The following C10orf53 variants were observed in gnomAD, a reference collection of about 807,000 sequenced individuals.
C10orf53 encodes the protein chromosome 10 open reading frame 53.
Under a neutral mutation model 9.4 loss-of-function variants are expected in C10orf53, and 8 were observed. The observed-to-expected ratio is 0.85, with a 90% CI of 0.50 to 1.53. C10orf53 has a LOEUF of 1.53. C10orf53 is among the 40% of genes most tolerant of loss of function. The probability of loss-of-function intolerance (pLI) is 0.00; values close to 1 mark genes in which losing one functional copy is unlikely to be tolerated. For synonymous variants in C10orf53, 48 were observed against 46.0 expected (o/e 1.04, Z -0.18); for missense variants, 117 against 117.8 (o/e 0.99, Z 0.03).
At chr10:49,689,529 A>C (rs2132879179) in intron 1 of C10orf53, among the ~76,000 whole-genome samples, 1 of 152,342 alleles carries the variant, frequency 6.6e-6, no homozygotes, top group Non-Finnish European at 1.5e-5. Context: ...TTATAAAAGA[A>C]AAAACAAACC....
chr10:49,693,778 G>A lies in C10orf53; in HGVS notation c.102G>A (p.Val34=), dbSNP rs1328850069. 1.2e-6 allele frequency: 2 copies of A among 1,613,418 alleles called. No individual in the cohort carries two copies. Among genetic ancestry groups the A allele is most frequent in the African/African-American group, 1.3e-5 (1 of 74,906 alleles). Residue 34 remains valine, a synonymous_variant, in exon 2 of 3, where the codon GTG becomes GTA. Coordinates refer to ENST00000374111, the MANE Select transcript of C10orf53 (RefSeq NM_001042427.3). The part of the protein sequence containing the change: ...HTFRLQGLQA[V]LAIDGHEVIL... Reference sequence around the variant, plus strand: ...CTCCTTTTCTTTCCTTCCCAGCTGTGTTGGCCATAGATGGACATGAGGTCA... The same window carrying A: ...CTCCTTTTCTTTCCTTCCCAGCTGTATTGGCCATAGATGGACATGAGGTCA...
rs1840617706 is a variant in C10orf53, at chr10:49,694,640, G to A, written c.*38G>A. On this transcript the variant is annotated 3_prime_UTR_variant, in exon 3 of 3. Coordinates refer to ENST00000374111, the MANE Select transcript of C10orf53 (RefSeq NM_001042427.3). ...ACAGGCATCTCAAGTCGGCACAACA[G>A]CAGCTGCCCCAGCCATTCTATGATG... 6.2e-7 allele frequency: 1 copy of A among 1,612,976 alleles called. No homozygotes were observed.
rs1401139582 is a variant in C10orf53, at chr10:49,679,734, C to T, written c.37C>T (p.Pro13Ser). ...KNAVVILRYG[P>S]YSAAGLPVEH... ...CGCAGTGGTCATCCTGCGCTATGGG[C>T]CCTACAGCGCGGCAGGCCTACCGGT... is the stretch of plus-strand genomic sequence containing the variant. Residue 13 changes from proline (P) to serine (S), a missense_variant, in exon 1 of 3, where the codon CCC (proline) becomes TCC (serine). Coordinates refer to ENST00000374111, the MANE Select transcript of C10orf53 (RefSeq NM_001042427.3). 2 of 1,546,574 alleles carry T rather than the reference C, an allele frequency of 1.3e-6. No individual in the cohort carries two copies. The highest frequency in any genetic ancestry group is 1.2e-5 in the South Asian group (1 of 83,760).
At position 49,695,887 on chromosome 10, in the gene C10orf53, A is replaced by G. The variant is rs1840630168; in HGVS notation, c.*1285A>G. 6.6e-6 allele frequency: 1 copy of G among 152,172 alleles called. No individual in the cohort carries two copies. The highest frequency in any genetic ancestry group is 6.5e-5 in the Admixed American group (1 of 15,272). The allele number at this position is 152,172 out of a possible 1,614,324, so 9.4% of individuals were successfully genotyped here. On this transcript the variant is annotated 3_prime_UTR_variant, in exon 3 of 3. Coordinates refer to ENST00000374111, the MANE Select transcript of C10orf53 (RefSeq NM_001042427.3). ...TTTCACATATCTTTTGTAACCCTAC[A>G]TTTAGTCCCTTTTTTTCAAAACCCA...
rs548038752 is a variant in C10orf53 at position 49,696,195 on chromosome 10, T to C, written c.*1593T>C. Among the ~76,000 whole-genome samples, 2 of 152,334 alleles carry C rather than the reference T, an allele frequency of 1.3e-5. No individual in the cohort carries two copies. Among genetic ancestry groups the C allele is most frequent in the Non-Finnish European group, 1.5e-5 (1 of 68,034 alleles). On this transcript the variant is annotated 3_prime_UTR_variant, in exon 3 of 3. Coordinates refer to ENST00000374111, the MANE Select transcript of C10orf53 (RefSeq NM_001042427.3). ...TTTTATTTTAGATACAGGGGGTACA[T>C]GGGCAGGTATGTTGAATCTTTTTTT...
intron 1 of C10orf53, among the ~76,000 whole-genome samples, chr10:49,686,941 G>T (rs974247432): frequency 6.6e-6 from 1 of 152,170 alleles, no homozygotes; most frequent in Non-Finnish European, 1.5e-5. Context: ...TCCCATACTG[G>T]GAACACAGGC....
chr10:49,701,474 C>T (rs1840682481), downstream of C10orf53, among the ~76,000 whole-genome samples: 1 of 152,096 alleles, frequency 6.6e-6, no homozygotes, highest in Non-Finnish European at 1.5e-5. Flanking sequence ...ACAAATTGTT[C>T]CCCAAGTCAT....
At position 49,679,669 on chromosome 10, in the gene C10orf53, C is replaced by G; in HGVS notation, c.-29C>G. ...GTTGCTTAGCAGCGTGTGTTTCTCC[C>G]TTGCCTCTGCGGCGGCGGAGGCCTG... is the stretch of plus-strand genomic sequence containing the variant. On this transcript the variant is annotated 5_prime_UTR_variant, in exon 1 of 3. Transcript: ENST00000374111. 2.6e-6 allele frequency: 4 copies of G among 1,543,192 alleles called. No individual in the cohort carries two copies. The highest frequency in any genetic ancestry group is 3.5e-6 in the Non-Finnish European group (4 of 1,143,602).
chr10:49,699,749 C>T (rs137915161), downstream of C10orf53, among the ~76,000 whole-genome samples: 16 of 152,288 alleles, frequency 1.1e-4, no homozygotes, highest in African/African-American at 3.4e-4. Context: ...AATGAAACCA[C>T]TTGACCCAAC....
At chr10:49,702,499 G>A (rs1437982693), downstream of C10orf53, among the ~76,000 whole-genome samples, 1 of 152,160 alleles carries the variant, frequency 6.6e-6, no homozygotes, top group Non-Finnish European at 1.5e-5. Flanking sequence ...GTGGGATTTG[G>A]AGAAATTTGC....
At chr10:49,694,296 C>T (rs780526274) in intron 2 of C10orf53, 2 of 614,092 alleles carry the variant, frequency 3.3e-6, no homozygotes, top group Non-Finnish European at 5.6e-6. Context: ...GCCAGCAGTG[C>T]ATGACACTAT....
intron 1 of C10orf53, among the ~76,000 whole-genome samples, chr10:49,683,734 G>A (rs1840501530): frequency 6.6e-6 from 1 of 151,972 alleles, no homozygotes; most frequent in African/African-American, 2.4e-5. Flanking sequence ...CATCTCTATA[G>A]AAAACACAAA....
Position 49,694,767 on chromosome 10 carries a change from C to T in C10orf53, c.*165C>T, listed in dbSNP as rs1168868368. 7.0e-7 allele frequency: 1 copy of T among 1,424,690 alleles called. No individual in the cohort carries two copies. Among genetic ancestry groups the T allele is most frequent in the Non-Finnish European group, 9.2e-7 (1 of 1,091,990 alleles). 88.3% of individuals were successfully genotyped at this position (1,424,690 alleles called of 1,614,324 possible). A position where few individuals can be genotyped will look rare whatever the true frequency, so the allele number is the denominator to read the frequency against. On this transcript the variant is annotated 3_prime_UTR_variant, in exon 3 of 3. Transcript: ENST00000374111. ...AGCTTACGCAGCCTCAGGATTGTCA[C>T]CTGGCTGCACAGGAGCCCACAGAAA...
chr10:49,705,637 C>G (rs1055915874), intron 2 of C10orf53, among the ~76,000 whole-genome samples: 1 of 151,892 alleles, frequency 6.6e-6, no homozygotes, highest in Non-Finnish European at 1.5e-5. Flanking sequence ...CAAAATAGAT[C>G]GAAGACCTAT....
intron 1 of C10orf53, among the ~76,000 whole-genome samples, chr10:49,683,667 G>GAGTTCAAGACCAGCCTGGTTTGA (rs1840500538): frequency 6.6e-6 from 1 of 152,114 alleles, no homozygotes; most frequent in African/African-American, 2.4e-5. Context: ...TTGAACCCAG[G>GAGTTCAAGACCAGCCTGGTTTGA]AGTTCAAGAC....
chr10:49,693,942 A>G lies in C10orf53; in HGVS notation c.217+49A>G, dbSNP rs41281961. ...AGCCAGCAATTTGCCTCCTCTGAGG[A>G]GTCCCTCAATTTCTAGTTGAAATGA... On this transcript the variant is annotated intron_variant, in intron 2 of 2. Transcript: ENST00000374111. 1.5e-3 allele frequency: 2,408 copies of G among 1,611,808 alleles called. 23 individuals are homozygous for G. In the African/African-American group the frequency reaches 0.02, roughly 13 times the overall value.
At chr10:49,706,435 C>T (rs1840722916) in intron 2 of C10orf53, among the ~76,000 whole-genome samples, 1 of 152,176 alleles carries the variant, frequency 6.6e-6, no homozygotes, top group South Asian at 2.1e-4. Flanking sequence ...TATGCTACAA[C>T]AGGCATGAAC....
chr10:49,700,694 G>A (rs902444820), downstream of C10orf53, among the ~76,000 whole-genome samples: 1 of 152,148 alleles, frequency 6.6e-6, no homozygotes, highest in Non-Finnish European at 1.5e-5. Context: ...CCTACTCCTA[G>A]GGTGGAGGAA....
chr10:49,685,609 G>A (rs1361621509), intron 1 of C10orf53, among the ~76,000 whole-genome samples: 1 of 152,170 alleles, frequency 6.6e-6, no homozygotes, highest in Non-Finnish European at 1.5e-5. Flanking sequence ...GGAGAATTGT[G>A]ACCAATACAA....
Sources: gnomAD v4.1 joint callset for allele counts (sites outside exome capture counted in the v4.1 genomes callset) on GRCh38, gnomAD v4.1.1 for gene constraint, MANE v1.5 for transcripts, NCBI Gene and HGNC (gene_info 2026-07-23, HGNC 2026-07-21) for gene names.